The following NES variants were observed in gnomAD, a reference collection of about 807,000 sequenced individuals.
NES encodes nestin.
In NES, 27 loss-of-function variants were observed where a neutral mutation model predicts 35.6. The ratio of observed to expected loss-of-function variants is 0.76; its 90% CI spans 0.56 to 1.04. NES has a LOEUF of 1.04. Ranked by LOEUF, NES falls within the 50% of genes least tolerant of loss-of-function variation. NES has a pLI of 0.00. For missense variants in NES, 1,867 were observed against 1,983.6 expected (o/e 0.94, Z 1.12); for synonymous variants, 822 against 824.2 (o/e 1.00, Z 0.04).
At chr1:156,674,719 G>T (rs115955929) in intron 2 of NES, among the ~76,000 whole-genome samples, 6,647 of 152,298 alleles carry the variant, frequency 0.044, 466 homozygotes, top group African/African-American at 0.15. Flanking sequence ...CTCGCCCCAT[G>T]ACATCCAGGC....
In NES at chr1:156,672,453, A is replaced by G. The variant is rs762453406; in HGVS notation, c.1735T>C (p.Leu579=). ...ERENQECPRS[L]EEDLETLKSL... ...TTTAGTGTTTCTAAGTCTTCTTCTA[A>G]AGACCTCGGACATTCTTGATTCTCC... Residue 579 remains leucine (L), a synonymous_variant, in exon 4 of 4, where the codon TTA becomes CTA. Coordinates refer to ENST00000368223, the MANE Select transcript of NES (RefSeq NM_006617.2). 1.2e-6 allele frequency: 2 copies of G among 1,611,220 alleles called. No individual in the cohort carries two copies. Among genetic ancestry groups the G allele is most frequent in the Non-Finnish European group, 8.5e-7 (1 of 1,179,372 alleles).
In NES at chr1:156,677,099, C is replaced by T; in HGVS notation, c.166G>A (p.Ala56Thr). Residue 56 changes from alanine to threonine, a missense_variant, in exon 1 of 4, where the codon GCC becomes ACC. Transcript: ENST00000368223. This position sits in a 1 kb window ranked among gnomAD's most constrained non-coding sequence, Gnocchi z 4.5. ...QSADTSWRAH[A>T]DDELAALRAL... is the part of the protein sequence containing the mutation. ...CGCAGGGCCGCCAGCTCGTCGTCGG[C>T]ATGCGCCCGCCAGGAGGTGTCCGCG... 1 of 1,604,040 alleles carries T rather than the reference C, an allele frequency of 6.2e-7. No homozygotes were observed. The highest frequency in any genetic ancestry group is 1.7e-4 in the Middle Eastern group (1 of 6,034).
Position 156,671,740 on chromosome 1 carries a change from C to A in NES, c.2448G>T (p.Glu816Asp). 6.2e-7 allele frequency: 1 copy of A among 1,614,042 alleles called. No homozygotes were observed. Among genetic ancestry groups the A allele is most frequent in the Non-Finnish European group, 8.5e-7 (1 of 1,180,012 alleles). Residue 816 changes from glutamate to aspartate, a missense_variant, in exon 4 of 4, where the codon GAG becomes GAT. Physicochemically the swap from Glu to Asp is conservative, Grantham distance 45 (BLOSUM62 2). Transcript: ENST00000368223. Reference protein sequence around the residue: ...FLKSLKEESVEAVKSLETEIL... With the variant: ...FLKSLKEESVDAVKSLETEIL... Reference sequence around the variant, plus strand: ...TCTCTGTTTCTAAAGATTTTACTGCCTCTACGCTCTCTTCTTTGAGTGACT... The same window carrying A: ...TCTCTGTTTCTAAAGATTTTACTGCATCTACGCTCTCTTCTTTGAGTGACT...
At chr1:156,675,684 G>T (rs1282843298) in intron 1 of NES, among the ~76,000 whole-genome samples, 2 of 152,116 alleles carry the variant, frequency 1.3e-5, no homozygotes, top group African/African-American at 4.8e-5. Flanking sequence ...AGAGAAGAGG[G>T]GGAAAAAAAA....
Position 156,671,661 on chromosome 1 carries a change from G to A in NES, c.2527C>T (p.Pro843Ser), listed in dbSNP as rs766014304. 5 of 1,613,534 alleles carry A rather than the reference G, an allele frequency of 3.1e-6. No homozygotes were observed. The highest frequency in any genetic ancestry group is 3.3e-5 in the Admixed American group (2 of 59,908). Residue 843 changes from proline (P) to serine (S), a missense_variant, in exon 4 of 4, where the codon CCA (proline) becomes TCA (serine). Coordinates refer to ENST00000368223, the MANE Select transcript of NES (RefSeq NM_006617.2). ...GTCCACAGTGGTGCTTGAGTTTCTG[G>A]AGATTTCAGTGTTTCCAGGTTCTCT... The part of the protein sequence containing the change: ...GQENLETLKS[P>S]ETQAPLWTPE...
chr1:156,669,423 T>A lies in NES; in HGVS notation c.4765A>T (p.Thr1589Ser), dbSNP rs143482599. ...FQEEEGSALKTSWAGAPVHLG... is the reference protein window; with the variant it reads ...FQEEEGSALKSSWAGAPVHLG... ...TGAACAGGAGCCCCTGCCCAAGAGG[T>A]CTTCAGAGCACTCCCCTCCTCCTCC... is the stretch of plus-strand genomic sequence containing the variant. Residue 1589 changes from threonine (T) to serine (S), a missense_variant, in exon 4 of 4, where the codon ACC becomes TCC. Thr to Ser is a moderately conservative substitution (Grantham distance 58). Coordinates refer to ENST00000368223, the MANE Select transcript of NES (RefSeq NM_006617.2). The A allele has an allele frequency of 2.9e-5, 46 of 1,613,188 alleles. 1 individual carries two copies. In the African/African-American group the frequency reaches 5.5e-4, roughly 19 times the overall value.
In NES at chr1:156,676,700, C is replaced by T; in HGVS notation, c.565G>A (p.Ala189Thr). ...ACGCGCTCCTGGTAGCCGCGCACTG[C>T]CCCGCGCCACGCCTCGCCCAGTCGC... ...ARRLGEAWRGAVRGYQERVAH... is the reference protein window; with the variant it reads ...ARRLGEAWRGTVRGYQERVAH... Residue 189 changes from alanine to threonine, a missense_variant, in exon 1 of 4, where the codon GCA (alanine) becomes ACA (threonine). Ala to Thr is a moderately conservative substitution (Grantham distance 58). Coordinates refer to ENST00000368223, the MANE Select transcript of NES (RefSeq NM_006617.2). The surrounding 1 kb of genome is among the most constrained non-coding windows in gnomAD (Gnocchi z 5.3). 2 of 1,458,318 alleles carry T rather than the reference C, an allele frequency of 1.4e-6. No homozygotes were observed. The highest frequency in any genetic ancestry group is 1.8e-6 in the Non-Finnish European group (2 of 1,117,168). The allele number at this position is 1,458,318 out of a possible 1,614,324, so 90.3% of individuals were successfully genotyped here.
At position 156,671,055 on chromosome 1, in the gene NES, A is replaced by T. The variant is rs780501157; in HGVS notation, c.3133T>A (p.Ser1045Thr). 1 of 1,613,476 alleles carries T rather than the reference A, an allele frequency of 6.2e-7. No homozygotes were observed. The highest frequency in any genetic ancestry group is 1.1e-5 in the South Asian group (1 of 91,052). ...AEGLQDPEGQ[S>T]QQVGAPGLQA... ...AGGCCTGGGGCCCCCACCTGTTGTG[A>T]TTGCCCTTCAGGGTCCTGGAGGCCC... Residue 1045 changes from serine to threonine, a missense_variant, in exon 4 of 4, where the codon TCA (serine) becomes ACA (threonine). Coordinates refer to ENST00000368223, the MANE Select transcript of NES (RefSeq NM_006617.2).
rs144900079 is a variant in NES, at chr1:156,669,889, C to A, written c.4299G>T (p.Gly1433=). ...AAGACCCTGGCCCCCACCGCCCAGC[C>A]CCTGGCTCCCTCCCCTCCTCCTGAT... ...EEDQEEGREP[G]AGRWGPGSSV... Residue 1433 remains glycine (G), a synonymous_variant, in exon 4 of 4, where the codon GGG becomes GGT. Transcript: ENST00000368223. 1 of 1,613,788 alleles carries A rather than the reference C, an allele frequency of 6.2e-7. No homozygotes were observed. Among genetic ancestry groups the A allele is most frequent in the South Asian group, 1.1e-5 (1 of 91,068 alleles).
chr1:156,676,609 C>T lies in NES; in HGVS notation c.656G>A (p.Arg219His). 1 of 1,567,690 alleles carries T rather than the reference C, an allele frequency of 6.4e-7. No homozygotes were observed. The highest frequency in any genetic ancestry group is 1.1e-5 in the South Asian group (1 of 88,106). Residue 219 changes from arginine to histidine, a missense_variant, in exon 1 of 4, where the codon CGC becomes CAC. Physicochemically the swap from Arg to His is conservative, Grantham distance 29 (BLOSUM62 0). Transcript: ENST00000368223. This position sits in a 1 kb window ranked among gnomAD's most constrained non-coding sequence, Gnocchi z 5.3. The part of the protein sequence containing the change: ...ERLGRAVQGA[R>H]EGRLELQQLQ... The stretch of plus-strand genomic sequence containing the variant: ...CTGCTGCAGCTCCAGGCGGCCCTCG[C>T]GGGCACCCTGCACCGCCCGGCCCAG...
At position 156,676,890 on chromosome 1, in the gene NES, C is replaced by T; in HGVS notation, c.375G>A (p.Trp125Ter). Reference sequence around the variant, plus strand: ...CCAGCTCTGCCACCTGGCTACTCAGCCAGGCCCGGGCGCATTTCTCTGCCT... The same window carrying T: ...CCAGCTCTGCCACCTGGCTACTCAGTCAGGCCCGGGCGCATTTCTCTGCCT... ...AVEAEKCARA[W>*]LSSQVAELER... is the part of the protein sequence containing the mutation. The change falls in exon 1 of 4, where the codon TGG becomes TGA. Residue 125 changes from tryptophan (W) to a stop codon, truncating the protein, a stop_gained. Transcript: ENST00000368223. LOFTEE classifies it high-confidence loss of function. This position sits in a 1 kb window ranked among gnomAD's most constrained non-coding sequence, Gnocchi z 5.3. 6.5e-7 allele frequency: 1 copy of T among 1,543,418 alleles called. No homozygotes were observed.
intron 1 of NES, 135 bp from the exon 2 acceptor site, chr1:156,675,475 C>T: frequency 6.0e-6 from 6 of 1,000,484 alleles, no homozygotes; most frequent in South Asian, 1.8e-5. Context: ...CAGACCCCCG[C>T]CTCCCCTACC....
chr1:156,670,885 C>CCCCCCCCCCCCGG lies in NES; in HGVS notation c.3302_3303insCCGGGGGGGGGGG (p.Gly1102ArgfsTer44). On this transcript the variant is annotated frameshift_variant, in exon 4 of 4. Transcript: ENST00000368223. LOFTEE classifies it low-confidence loss of function (END_TRUNC). ...CCCCCAGCCCTCCCACCCCCTGCCCCGGGCCTGGCTCAGCTCCCGCAGCAG... is the reference window on the plus strand; with the variant it reads ...CCCCCAGCCCTCCCACCCCCTGCCCCCCCCCCCCCCCGGGGGCCTGGCTCAGCTCCCGCAGCAG... 1.9e-6 allele frequency: 3 copies of CCCCCCCCCCCCGG among 1,594,946 alleles called. No individual in the cohort carries two copies. The highest frequency in any genetic ancestry group is 1.1e-5 in the South Asian group (1 of 90,742).
Position 156,672,443 on chromosome 1 carries a change from T to A in NES, c.1745A>T (p.Asp582Val), listed in dbSNP as rs780415407. Residue 582 changes from aspartate (D) to valine (V), a missense_variant, in exon 4 of 4, where the codon GAC (aspartate) becomes GTC (valine). By Grantham distance (152) the Asp-to-Val change is radical. Coordinates refer to ENST00000368223, the MANE Select transcript of NES (RefSeq NM_006617.2). ...TTCTAGACTTTTTAGTGTTTCTAAG[T>A]CTTCTTCTAAAGACCTCGGACATTC... ...NQECPRSLEEDLETLKSLEKE... is the reference protein window; with the variant it reads ...NQECPRSLEEVLETLKSLEKE... The A allele has an allele frequency of 6.2e-7, 1 of 1,611,390 alleles. No individual in the cohort carries two copies. Among genetic ancestry groups the A allele is most frequent in the South Asian group, 1.1e-5 (1 of 90,524 alleles).
rs1255073219 is a variant in NES at position 156,677,299 on chromosome 1, C to T, written c.-35G>A. The T allele has an allele frequency of 5.3e-6, 7 of 1,309,346 alleles. No individual in the cohort carries two copies. The highest frequency in any genetic ancestry group is 7.0e-6 in the Non-Finnish European group (7 of 996,082). The allele number at this position is 1,309,346 out of a possible 1,614,324, so 81.1% of individuals were successfully genotyped here. A position where few individuals can be genotyped will look rare whatever the true frequency, so the allele number is the denominator to read the frequency against. On this transcript the variant is annotated 5_prime_UTR_variant, in exon 1 of 4. Coordinates refer to ENST00000368223, the MANE Select transcript of NES (RefSeq NM_006617.2). This position sits in a 1 kb window ranked among gnomAD's most constrained non-coding sequence, Gnocchi z 4.5. ...CTGACCCACTGAGGATGGACAGACGCGGGGCACCGGGAGAAGGGAGCGGCT... is the reference window on the plus strand; with the variant it reads ...CTGACCCACTGAGGATGGACAGACGTGGGGCACCGGGAGAAGGGAGCGGCT...
At chr1:156,675,425 G>A (rs978163735) in intron 1 of NES, 85 bp from the exon 2 acceptor site, 30 of 1,460,436 alleles carry the variant, frequency 2.1e-5, no homozygotes, top group South Asian at 2.0e-4. Context: ...GCCGCTGCCC[G>A]GGAAGCACCT....
rs1647316378 is a variant in NES, at chr1:156,676,960, C to T, written c.305G>A (p.Arg102Gln). The T allele has an allele frequency of 1.9e-6, 3 of 1,559,606 alleles. No homozygotes were observed. The highest frequency in any genetic ancestry group is 2.6e-6 in the Non-Finnish European group (3 of 1,160,886). Residue 102 changes from arginine to glutamine, a missense_variant, in exon 1 of 4, where the codon CGG (arginine) becomes CAG (glutamine). Coordinates refer to ENST00000368223, the MANE Select transcript of NES (RefSeq NM_006617.2). This position sits in a 1 kb window ranked among gnomAD's most constrained non-coding sequence, Gnocchi z 5.3. The part of the protein sequence containing the change: ...AGRCQQLRLA[R>Q]ERTTEEVARN... Reference sequence around the variant, plus strand: ...GGCTACCTCCTCCGTCGTCCGCTCCCGGGCCAGCCGCAGCTGCTGGCATCG... The same window carrying T: ...GGCTACCTCCTCCGTCGTCCGCTCCTGGGCCAGCCGCAGCTGCTGGCATCG...
Position 156,670,168 on chromosome 1 carries a change from C to G in NES, c.4020G>C (p.Glu1340Asp). The change falls in exon 4 of 4, where the codon GAG becomes GAC. Residue 1340 changes from glutamate to aspartate, a missense_variant. Transcript: ENST00000368223. Reference sequence around the variant, plus strand: ...TTTCTGAGGGTGGGGCCTCAAGGCCCTCGGAAGCCAGGACAGCAGGATCCC... The same window carrying G: ...TTTCTGAGGGTGGGGCCTCAAGGCCGTCGGAAGCCAGGACAGCAGGATCCC... ...EGWDPAVLAS[E>D]GLEAPPSEKE... 1 of 1,614,060 alleles carries G rather than the reference C, an allele frequency of 6.2e-7. No individual in the cohort carries two copies. Among genetic ancestry groups the G allele is most frequent in the Middle Eastern group, 1.6e-4 (1 of 6,062 alleles).
At chr1:156,675,408 G>A in intron 1 of NES, 68 bp from the exon 2 acceptor site, 2 of 1,507,284 alleles carry the variant, frequency 1.3e-6, no homozygotes, top group Non-Finnish European at 8.9e-7. Context: ...CCTGCCTCCT[G>A]CCCGCTGCCG....
Sources: gnomAD v4.1 joint callset for allele counts (sites outside exome capture counted in the v4.1 genomes callset) on GRCh38, gnomAD v4.1.1 for gene constraint, Gnocchi (gnomAD v3.1) non-coding constraint, MANE v1.5 for transcripts, NCBI Gene and HGNC (gene_info 2026-07-23, HGNC 2026-07-21) for gene names.